The following LSAMP variants were observed in gnomAD, a reference collection of about 807,000 sequenced individuals.
The protein encoded by LSAMP is limbic system-associated membrane protein.
Under a neutral mutation model 38.6 loss-of-function variants are expected in LSAMP, and 7 were observed. That is an observed-to-expected ratio of 0.18 (90% CI 0.10 to 0.34). The LOEUF is 0.34. LSAMP is among the 10% of genes least tolerant of loss of function. The pLI is 1.00. For missense variants in LSAMP, 313 were observed against 420.0 expected, an observed-to-expected ratio of 0.75 and a Z score of 2.23; for synonymous variants, 154 against 166.8, an observed-to-expected ratio of 0.92 and a Z score of 0.59.
At chr3:116,023,219 C>A (rs1315083480) in intron 2 of LSAMP, among the ~76,000 whole-genome samples, 1 of 151,928 alleles carries the variant, frequency 6.6e-6, no homozygotes, top group African/African-American at 2.4e-5. Context: ...TCTTTACTCC[C>A]AGTCCCTACT....
chr3:116,383,959 A>G (rs2048593484), intron 1 of LSAMP, among the ~76,000 whole-genome samples: 1 of 152,128 alleles, frequency 6.6e-6, no homozygotes, highest in South Asian at 2.1e-4. Context: ...AACAGCTGCA[A>G]TCTAACTAGT....
intron 2 of LSAMP, among the ~76,000 whole-genome samples, chr3:116,050,453 G>T (rs1231687397): frequency 1.3e-5 from 2 of 151,886 alleles, no homozygotes; most frequent in Admixed American, 1.3e-4. Flanking sequence ...TTTCCTGCAG[G>T]GAGTCTCACC....
chr3:116,079,543 C>T (rs976917368), intron 2 of LSAMP, among the ~76,000 whole-genome samples: 1 of 150,506 alleles, frequency 6.6e-6, no homozygotes, highest in African/African-American at 2.4e-5. Context: ...GTCCCAGCTA[C>T]TCGGGAGGCT....
At chr3:115,836,804 C>T (rs1337483476) in intron 6 of LSAMP, among the ~76,000 whole-genome samples, 1 of 152,190 alleles carries the variant, frequency 6.6e-6, no homozygotes, top group Non-Finnish European at 1.5e-5. Flanking sequence ...AAAGGCTTTG[C>T]CAAGTCTTCA....
intron 1 of LSAMP, among the ~76,000 whole-genome samples, chr3:116,233,582 T>C (rs921869682): frequency 2.0e-5 from 3 of 152,070 alleles, no homozygotes; most frequent in Admixed American, 6.6e-5. Context: ...CATCTAACTA[T>C]ATTTCTGCAC....
intron 1 of LSAMP, among the ~76,000 whole-genome samples, chr3:116,309,315 C>T (rs1314547121): frequency 6.6e-6 from 1 of 152,024 alleles, no homozygotes; most frequent in African/African-American, 2.4e-5. Context: ...GAATTACTTT[C>T]TAACCTAGAG....
chr3:116,299,336 T>C (rs778458387), intron 1 of LSAMP, among the ~76,000 whole-genome samples: 1 of 152,162 alleles, frequency 6.6e-6, no homozygotes, highest in African/African-American at 2.4e-5. Flanking sequence ...ACAGGATTGA[T>C]GGAGAGTAAA....
intron 1 of LSAMP, among the ~76,000 whole-genome samples, chr3:116,299,828 C>G (rs1037759607): frequency 1.3e-5 from 2 of 152,132 alleles, no homozygotes; most frequent in Non-Finnish European, 2.9e-5. Context: ...AAACAAGACC[C>G]TTAGCATATC....
intron 1 of LSAMP, among the ~76,000 whole-genome samples, chr3:116,231,640 G>A (rs2046403629): frequency 1.3e-5 from 2 of 152,156 alleles, no homozygotes; most frequent in African/African-American, 4.8e-5. Flanking sequence ...AAATCACAGA[G>A]AAGTGGGCAA....
At chr3:115,978,634 C>T (rs7617237) in intron 3 of LSAMP, among the ~76,000 whole-genome samples, 282 of 151,226 alleles carry the variant, frequency 1.9e-3, no homozygotes, top group African/African-American at 6.7e-3. Flanking sequence ...TGATTACCTC[C>T]AAGGTAACAA....
At chr3:116,320,874 A>G (rs2047698281) in intron 1 of LSAMP, among the ~76,000 whole-genome samples, 1 of 152,042 alleles carries the variant, frequency 6.6e-6, no homozygotes, top group African/African-American at 2.4e-5. Context: ...CCTTCAGAGT[A>G]TTTTCTTCCT....
rs564063728 is a variant in LSAMP, at chr3:116,021,546, T to C, written c.389-1906A>G. Reference sequence around the variant, plus strand: ...GTTTCAGAACATAATGTGGACATACTAGGTGTCATCCTCAACAATCCAAAA... The same window carrying C: ...GTTTCAGAACATAATGTGGACATACCAGGTGTCATCCTCAACAATCCAAAA... On this transcript the variant is annotated intron_variant, in intron 2 of 6. Transcript: ENST00000490035. Among the ~76,000 whole-genome samples, 3 of 152,318 alleles carry C rather than the reference T, an allele frequency of 2.0e-5. No homozygotes were observed. In the South Asian group the frequency reaches 6.2e-4, roughly 32 times the overall value.
Position 116,285,153 on chromosome 3 carries a change from T to C in LSAMP, c.155+159724A>G, listed in dbSNP as rs544333027. The stretch of plus-strand genomic sequence containing the variant: ...CTGGCTCAGCTCCAAATTGGCTGAG[T>C]GGTTCTGAACTCCCTTCAACTTCCC... On this transcript the variant is annotated intron_variant, in intron 1 of 6. Coordinates refer to ENST00000490035, the MANE Select transcript of LSAMP (RefSeq NM_002338.5). 4.8e-4 allele frequency among the ~76,000 whole-genome samples: 73 copies of C among 152,234 alleles called. No individual in the cohort carries two copies. In the South Asian group the frequency reaches 5.0e-3, roughly 10 times the overall value.
chr3:116,092,173 A>G (rs1198283498), intron 1 of LSAMP, among the ~76,000 whole-genome samples: 1 of 152,252 alleles, frequency 6.6e-6, no homozygotes, highest in Non-Finnish European at 1.5e-5. Flanking sequence ...GCATTAGGTC[A>G]ATTATAAAAT....
At chr3:116,386,026 CA>C (rs1278902148) in intron 1 of LSAMP, among the ~76,000 whole-genome samples, 1 of 151,922 alleles carries the variant, frequency 6.6e-6, no homozygotes, top group Non-Finnish European at 1.5e-5. Context: ...ATTTAATCCT[CA>C]AAAAACTTTG....
intron 1 of LSAMP, among the ~76,000 whole-genome samples, chr3:116,093,318 A>C (rs1708163351): frequency 3.9e-5 from 6 of 152,224 alleles, no homozygotes; most frequent in Admixed American, 3.9e-4. Flanking sequence ...GCCCCCAATC[A>C]CAAAGATGTA....
intron 1 of LSAMP, among the ~76,000 whole-genome samples, chr3:116,105,807 T>G: frequency 6.6e-6 from 1 of 152,144 alleles, no homozygotes; most frequent in Non-Finnish European, 1.5e-5. Context: ...CCTTCTTATA[T>G]TAATAAGAAA....
At chr3:115,968,822 C>A (rs77550735) in intron 3 of LSAMP, among the ~76,000 whole-genome samples, 3 of 152,166 alleles carry the variant, frequency 2.0e-5, no homozygotes, top group Non-Finnish European at 4.4e-5. Flanking sequence ...TATTTAGGAC[C>A]TCAGAGTGCC....
chr3:116,418,251 G>A (rs2049076536), intron 1 of LSAMP, among the ~76,000 whole-genome samples: 1 of 152,118 alleles, frequency 6.6e-6, no homozygotes, highest in African/African-American at 2.4e-5. Flanking sequence ...TCTCACTTGT[G>A]AAACTTACTT....
Sources: allele counts gnomAD v4.1 joint callset (sites outside exome capture counted in the v4.1 genomes callset), GRCh38; gene constraint gnomAD v4.1.1; transcripts MANE v1.5; gene names NCBI Gene and HGNC (gene_info 2026-07-23, HGNC 2026-07-21).